NCAPD2: variants seen among roughly 807,000 people sequenced by gnomAD.
NCAPD2 encodes condensin complex subunit 1.
A neutral mutation model predicts 164.5 loss-of-function variants in NCAPD2; 100 were observed. The ratio of observed to expected loss-of-function variants is 0.61; its 90% CI spans 0.52 to 0.72. The LOEUF is 0.72. NCAPD2 is among the 30% of genes least tolerant of loss of function. NCAPD2 has a pLI of 0.00. For missense variants in NCAPD2, 1,560 were observed against 1,749.2 expected (o/e 0.89, Z 1.93); for synonymous variants, 585 against 642.6 (o/e 0.91, Z 1.36).
intron 2 of NCAPD2, among the ~76,000 whole-genome samples, chr12:6,505,763 A>G (rs1946093947): frequency 6.6e-6 from 1 of 152,114 alleles, no homozygotes; most frequent in South Asian, 2.1e-4. Context: ...TCCCAGGGTG[A>G]CTGAGGTGGG....
chr12:6,522,261 T>G (rs1946270701), intron 15 of NCAPD2, among the ~76,000 whole-genome samples: 1 of 152,062 alleles, frequency 6.6e-6, no homozygotes, highest in Non-Finnish European at 1.5e-5. Context: ...TTTCCATATT[T>G]TATTGATATA....
At chr12:6,510,168 G>T (rs371096812) in intron 4 of NCAPD2, 35 bp downstream of exon 4, 8 of 1,545,460 alleles carry the variant, frequency 5.2e-6, no homozygotes, top group Non-Finnish European at 7.2e-6. Flanking sequence ...GATGGAAGGT[G>T]TTTGTTATCG....
chr12:6,525,998 C>T (rs754777055), intron 18 of NCAPD2, 70 bp from the exon 19 acceptor site: 2 of 1,571,912 alleles, frequency 1.3e-6, no homozygotes, highest in South Asian at 2.3e-5. Context: ...GTACCTACCC[C>T]TATTGGCCCT....
chr12:6,506,370 C>T (rs2137042552), intron 2 of NCAPD2, among the ~76,000 whole-genome samples: 1 of 152,148 alleles, frequency 6.6e-6, no homozygotes, highest in Admixed American at 6.6e-5. Context: ...GGGCGGATCA[C>T]GAGGTCAGGA....
chr12:6,519,588 A>G (rs1946245562), intron 13 of NCAPD2, among the ~76,000 whole-genome samples: 1 of 152,190 alleles, frequency 6.6e-6, no homozygotes, highest in African/African-American at 2.4e-5. Context: ...AGAAGATAAC[A>G]TGTAGACAAG....
chr12:6,509,897 C>A, intron 3 of NCAPD2, 105 bp downstream of exon 3: 2 of 1,307,866 alleles, frequency 1.5e-6, no homozygotes, highest in South Asian at 1.2e-5. Flanking sequence ...CTGATAAATG[C>A]CTCTGGATAT....
rs1380833439 is a variant in NCAPD2, at chr12:6,528,229, C to T, written c.3200C>T (p.Pro1067Leu). The change falls in exon 25 of 32, where the codon CCA becomes CTA. Residue 1067 changes from proline (P) to leucine (L), a missense_variant. By Grantham distance (98) the Pro-to-Leu change is moderately conservative. Transcript: ENST00000315579. This position sits in a 1 kb window ranked among gnomAD's most constrained non-coding sequence, Gnocchi z 5.1. ...CTGTTCACCATGCTGGAAAAGTCTC[C>T]ACTTCCCATTGTCCGGTCTAACCTC... ...RLLFTMLEKS[P>L]LPIVRSNLMV... 6.8e-6 allele frequency: 11 copies of T among 1,614,024 alleles called. No individual in the cohort carries two copies. The African/African-American group carries it at 1.2e-4, about 18-fold the overall frequency.
At chr12:6,501,716 AC>A (rs1347243725) in intron 2 of NCAPD2, among the ~76,000 whole-genome samples, 1 of 152,104 alleles carries the variant, frequency 6.6e-6, no homozygotes, top group Non-Finnish European at 1.5e-5. Context: ...CAGTTTGAAG[AC>A]CAAGACCTGA....
At chr12:6,502,227 G>C (rs1946045013) in intron 2 of NCAPD2, among the ~76,000 whole-genome samples, 1 of 152,076 alleles carries the variant, frequency 6.6e-6, no homozygotes, top group South Asian at 2.1e-4. Context: ...AAAAAAGGCA[G>C]AGTGTATGTA....
chr12:6,518,683 A>G (rs1482987803), intron 13 of NCAPD2, among the ~76,000 whole-genome samples: 1 of 147,002 alleles, frequency 6.8e-6, no homozygotes, highest in Non-Finnish European at 1.5e-5. Context: ...ACCACACCGC[A>G]CTAATTTTTT....
At chr12:6,499,070 A>G (rs925548677) in intron 2 of NCAPD2, among the ~76,000 whole-genome samples, 4 of 151,978 alleles carry the variant, frequency 2.6e-5, no homozygotes, top group Non-Finnish European at 5.9e-5. Context: ...AGGGTTGCAT[A>G]TACAGTGTGG....
In NCAPD2 at chr12:6,526,563, A is replaced by G. The variant is rs373683787; in HGVS notation, c.2682A>G (p.Ala894=). Residue 894 remains alanine (A), a synonymous_variant, in exon 21 of 32, where the codon GCA becomes GCG. Coordinates refer to ENST00000315579, the MANE Select transcript of NCAPD2 (RefSeq NM_014865.4). ...GTGCCCAGATATTGCAGGGCTGTGC[A>G]AAACAGGCCCTGGAGAAGCTAGAAG... ...VICAQILQGC[A]KQALEKLEEK... is the part of the protein sequence containing the mutation. The G allele has an allele frequency of 1.5e-5, 25 of 1,614,082 alleles. No homozygotes were observed. The South Asian group carries it at 2.5e-4, about 16-fold the overall frequency.
At chr12:6,514,120 CA>C in intron 6 of NCAPD2, 144 bp from the exon 7 acceptor site, 10 of 1,167,998 alleles carry the variant, frequency 8.6e-6, no homozygotes, top group Non-Finnish European at 1.2e-5. Context: ...GTCAGCAAAG[CA>C]AAGCAACTTG....
At chr12:6,513,967 G>A (rs1485823138) in intron 6 of NCAPD2, among the ~76,000 whole-genome samples, 1 of 151,704 alleles carries the variant, frequency 6.6e-6, no homozygotes, top group African/African-American at 2.4e-5. Flanking sequence ...CACCTGCCTC[G>A]GCCTCCCAAA....
intron 2 of NCAPD2, among the ~76,000 whole-genome samples, chr12:6,506,288 TA>T: frequency 6.6e-6 from 1 of 152,162 alleles, no homozygotes; most frequent in East Asian, 1.9e-4. Context: ...TTTAACTTTA[TA>T]ATAGACATAT....
chr12:6,504,201 A>ATATC lies in NCAPD2; in HGVS notation c.128-5513_128-5512insCTAT, dbSNP rs1555137407. 2.6e-3 allele frequency among the ~76,000 whole-genome samples: 59 copies of ATATC among 22,682 alleles called. 5 individuals carry two copies. Among genetic ancestry groups the ATATC allele is most frequent in the Middle Eastern group, 0.016 (1 of 62 alleles). The allele number at this position is 22,682 out of a possible 152,430, so 14.9% of individuals were successfully genotyped here. ...TATATACATATATATATATATATATATATATATATATATATAGATATAGAT... is the reference window on the plus strand; with the variant it reads ...TATATACATATATATATATATATATATATCTATATATATATATATAGATATAGAT... On this transcript the variant is annotated intron_variant, in intron 2 of 31. Coordinates refer to ENST00000315579, the MANE Select transcript of NCAPD2 (RefSeq NM_014865.4).
chr12:6,519,497 G>C (rs1946244645), intron 13 of NCAPD2, among the ~76,000 whole-genome samples: 3 of 152,278 alleles, frequency 2.0e-5, no homozygotes, highest in Admixed American at 2.0e-4. Context: ...GAGTAGCCTG[G>C]TTAATTTATT....
chr12:6,528,626 T>TTAGGG lies in NCAPD2; in HGVS notation c.3300-51_3300-47dup. On this transcript the variant is annotated intron_variant, in intron 25 of 31. Coordinates refer to ENST00000315579, the MANE Select transcript of NCAPD2 (RefSeq NM_014865.4). This position sits in a 1 kb window ranked among gnomAD's most constrained non-coding sequence, Gnocchi z 5.1. Reference sequence around the variant, plus strand: ...CTGCTGAGGGCCTTTTCTACCAGTGTTAGGGTGTAGCCCGGAGGTCTCGGT... The same window carrying TTAGGG: ...CTGCTGAGGGCCTTTTCTACCAGTGTTAGGGTAGGGTGTAGCCCGGAGGTCTCGGT... 1.3e-6 allele frequency: 2 copies of TTAGGG among 1,567,190 alleles called. No individual in the cohort carries two copies. The highest frequency in any genetic ancestry group is 1.7e-6 in the Non-Finnish European group (2 of 1,146,652).
Position 6,524,345 on chromosome 12 carries a change from A to G in NCAPD2, c.2214+999A>G, listed in dbSNP as rs117395060. Among the ~76,000 whole-genome samples the G allele has an allele frequency of 7.2e-5, 11 of 152,238 alleles. No homozygotes were observed. In the East Asian group the frequency reaches 1.9e-3, roughly 27 times the overall value. ...ACAAAGAAGACTGTGTTCTGGTTCA[A>G]ATTATCTGGAAAAGACCAGGCGCGA... On this transcript the variant is annotated intron_variant, in intron 17 of 31. Transcript: ENST00000315579.
Sources: gnomAD v4.1 joint callset for allele counts (sites outside exome capture counted in the v4.1 genomes callset) on GRCh38, gnomAD v4.1.1 for gene constraint, Gnocchi (gnomAD v3.1) non-coding constraint, MANE v1.5 for transcripts, NCBI Gene and HGNC (gene_info 2026-07-23, HGNC 2026-07-21) for gene names.